ELP4: variants seen among roughly 807,000 people sequenced by gnomAD.
The protein encoded by ELP4 is elongator complex protein 4.
In ELP4, 51 loss-of-function variants were observed where a neutral mutation model predicts 48.9. That is an observed-to-expected ratio of 1.04 (90% CI 0.83 to 1.32). The LOEUF is 1.32. ELP4 is among the 40% of genes most tolerant of loss of function. The probability of loss-of-function intolerance (pLI) is 0.00; values close to 1 mark genes in which losing one functional copy is unlikely to be tolerated. For missense variants in ELP4, 519 were observed against 514.6 expected, an observed-to-expected ratio of 1.01 and a Z score of -0.08; for synonymous variants, 210 against 189.2, an observed-to-expected ratio of 1.11 and a Z score of -0.90.
At chr11:31,613,910 C>T (rs139769394) in intron 5 of ELP4, among the ~76,000 whole-genome samples, 79 of 151,858 alleles carry the variant, frequency 5.2e-4, no homozygotes, top group African/African-American at 1.8e-3. Flanking sequence ...GGGGTTTCAC[C>T]ATGTTGGCCA....
chr11:31,726,092 A>T (rs1242472232), intron 9 of ELP4, among the ~76,000 whole-genome samples: 1 of 152,216 alleles, frequency 6.6e-6, no homozygotes, highest in Admixed American at 6.5e-5. Flanking sequence ...TCAGAGGAGA[A>T]TGTAAACAGA....
intron 3 of ELP4, among the ~76,000 whole-genome samples, chr11:31,548,513 A>T (rs1956777372): frequency 6.6e-6 from 1 of 152,194 alleles, no homozygotes; most frequent in African/African-American, 2.4e-5. Context: ...AGAATATTCC[A>T]TGCTCATGGG....
chr11:31,657,949 A>G (rs1171946285), intron 9 of ELP4, among the ~76,000 whole-genome samples: 3 of 152,050 alleles, frequency 2.0e-5, no homozygotes, highest in Non-Finnish European at 2.9e-5. Context: ...ACAACTACCC[A>G]TATAACATTA....
chr11:31,789,912 C>CTTTTTTTTTTTTTTT lies in ELP4; in HGVS notation c.*6397_*6411dup, dbSNP rs759391101. On this transcript the variant is annotated 3_prime_UTR_variant, in exon 10 of 10. Coordinates refer to ENST00000640961, the MANE Select transcript of ELP4 (RefSeq NM_019040.5). ...CTGAATTAACACAATATTTCCTTTCCTTTTTTTTTTTTTTTTTTTTTTTAC... is the reference window on the plus strand; with the variant it reads ...CTGAATTAACACAATATTTCCTTTCCTTTTTTTTTTTTTTTTTTTTTTTTTTTTTTTTTTTTTTAC... The CTTTTTTTTTTTTTTT allele has an allele frequency of 5.7e-6, 6 of 1,046,602 alleles. No homozygotes were observed. The highest frequency in any genetic ancestry group is 2.6e-5 in the East Asian group (1 of 38,840). The allele number at this position is 1,046,602 out of a possible 1,614,324, so 64.8% of individuals were successfully genotyped here. A position where few individuals can be genotyped will look rare whatever the true frequency, so the allele number is the denominator to read the frequency against.
chr11:31,599,057 T>G (rs1957731554), intron 4 of ELP4: 2 of 152,182 alleles, frequency 1.3e-5, no homozygotes, highest in African/African-American at 2.4e-5. Flanking sequence ...TTTATTATTA[T>G]CATCTATCTC....
chr11:31,597,725 C>T (rs967956743), intron 4 of ELP4, among the ~76,000 whole-genome samples: 1 of 151,768 alleles, frequency 6.6e-6, no homozygotes, highest in Non-Finnish European at 1.5e-5. Flanking sequence ...TTGCCCACCA[C>T]CACGCCAGGC....
intron 3 of ELP4, among the ~76,000 whole-genome samples, chr11:31,556,465 G>A (rs887000274): frequency 7.9e-5 from 11 of 138,872 alleles, no homozygotes; most frequent in South Asian, 2.4e-4. Flanking sequence ...TTATATACAC[G>A]TGCACACACA....
At chr11:31,510,198 T>C (rs1955960732) in intron 1 of ELP4, among the ~76,000 whole-genome samples, 191 bp downstream of exon 1, 3 of 152,316 alleles carry the variant, frequency 2.0e-5, no homozygotes, top group African/African-American at 2.4e-5. Context: ...TAACTAAACA[T>C]GTTTTAGTGC....
intron 9 of ELP4, among the ~76,000 whole-genome samples, chr11:31,715,533 CA>C (rs1394830526): frequency 6.6e-6 from 1 of 152,152 alleles, no homozygotes; most frequent in Non-Finnish European, 1.5e-5. Context: ...TCAGTTGTAT[CA>C]ATCAAGAAAC....
At chr11:31,537,706 A>C (rs1956524010) in intron 2 of ELP4, among the ~76,000 whole-genome samples, 1 of 152,080 alleles carries the variant, frequency 6.6e-6, no homozygotes. Flanking sequence ...ACCAGATCTC[A>C]TGATAACTCA....
intron 9 of ELP4, among the ~76,000 whole-genome samples, chr11:31,726,051 G>A (rs1947070226): frequency 6.6e-6 from 1 of 152,144 alleles, no homozygotes; most frequent in South Asian, 2.1e-4. Context: ...ATAGACTTTG[G>A]CAAAATGAAT....
rs991916905 is a variant in ELP4 at position 31,788,474 on chromosome 11, G to A, written c.*4950G>A. 4.5e-6 allele frequency: 1 copy of A among 223,658 alleles called. No homozygotes were observed. Among genetic ancestry groups the A allele is most frequent in the African/African-American group, 2.2e-5 (1 of 44,762 alleles). The allele number at this position is 223,658 out of a possible 1,614,324, so 13.9% of individuals were successfully genotyped here. A position where few individuals can be genotyped will look rare whatever the true frequency, so the allele number is the denominator to read the frequency against. Reference sequence around the variant, plus strand: ...AGGGGAGGGAGACAGAAAAGGGAGAGGGCCTATTTGAAAAAGGCAACAGCT... The same window carrying A: ...AGGGGAGGGAGACAGAAAAGGGAGAAGGCCTATTTGAAAAAGGCAACAGCT... On this transcript the variant is annotated 3_prime_UTR_variant, in exon 10 of 10. Coordinates refer to ENST00000640961, the MANE Select transcript of ELP4 (RefSeq NM_019040.5).
chr11:31,581,103 A>G (rs752807161), intron 3 of ELP4, among the ~76,000 whole-genome samples: 1 of 152,150 alleles, frequency 6.6e-6, no homozygotes, highest in Non-Finnish European at 1.5e-5. Flanking sequence ...ACTTTCCACT[A>G]AAGTTTTCAA....
chr11:31,544,031 G>A (rs561556280), intron 3 of ELP4, among the ~76,000 whole-genome samples: 4 of 152,312 alleles, frequency 2.6e-5, no homozygotes, highest in Non-Finnish European at 4.4e-5. Flanking sequence ...CAAGATGGCC[G>A]AATAGGAACA....
At chr11:31,746,950 G>A (rs1284911392) in intron 9 of ELP4, among the ~76,000 whole-genome samples, 1 of 152,014 alleles carries the variant, frequency 6.6e-6, no homozygotes, top group Non-Finnish European at 1.5e-5. Context: ...AGGACTTTTA[G>A]TGAGTTGGGG....
At chr11:31,676,807 T>A (rs1010297159) in intron 9 of ELP4, among the ~76,000 whole-genome samples, 1 of 152,218 alleles carries the variant, frequency 6.6e-6, no homozygotes, top group African/African-American at 2.4e-5. Flanking sequence ...TAAGTTCCAA[T>A]TCAAGCCTGT....
intron 7 of ELP4, 86 bp downstream of exon 7, chr11:31,632,491 A>C (rs1037175567): frequency 4.5e-5 from 49 of 1,086,332 alleles, no homozygotes; most frequent in Non-Finnish European, 6.0e-5. Flanking sequence ...CATGATAACT[A>C]ATGATGTTGA....
At chr11:31,662,456 G>A in intron 9 of ELP4, 1 of 395,280 alleles carries the variant, frequency 2.5e-6, no homozygotes. Context: ...TGTTGTTGTT[G>A]TTGTTGTTGT....
intron 4 of ELP4, among the ~76,000 whole-genome samples, chr11:31,596,137 G>C (rs1957667316): frequency 6.6e-6 from 1 of 152,134 alleles, no homozygotes; most frequent in Non-Finnish European, 1.5e-5. Flanking sequence ...GGGTGCAGTG[G>C]CTCACGCCTG....
Sources: gnomAD v4.1 joint callset for allele counts (sites outside exome capture counted in the v4.1 genomes callset) on GRCh38, gnomAD v4.1.1 for gene constraint, MANE v1.5 for transcripts, NCBI Gene and HGNC (gene_info 2026-07-23, HGNC 2026-07-21) for gene names.